Variants in COL6A5 observed in about 807,000 individuals in gnomAD.
COL6A5 encodes collagen type VI alpha 5 chain, also known as collagen alpha-5(VI) chain.
COL6A5 carries 48 observed loss-of-function variants against 65.6 expected under a neutral mutation model. The ratio of observed to expected loss-of-function variants is 0.73; its 90% CI spans 0.58 to 0.93. COL6A5 has a LOEUF of 0.93. Ranked by LOEUF, COL6A5 falls within the 40% of genes least tolerant of loss-of-function variation. The probability of loss-of-function intolerance (pLI) is 0.00; values close to 1 mark genes in which losing one functional copy is unlikely to be tolerated. For synonymous variants in COL6A5, 291 were observed against 322.8 expected (o/e 0.90, Z 1.05); for missense variants, 914 against 928.3 (o/e 0.98, Z 0.20).
chr3:130,474,840 T>TCAA (rs1476663037), intron 7 of COL6A5, among the ~76,000 whole-genome samples: 2 of 150,474 alleles, frequency 1.3e-5, no homozygotes, highest in Non-Finnish European at 3.0e-5. Context: ...AGACCCCATC[T>TCAA]CAACAACAAC....
At chr3:130,391,087 C>A in intron 6 of COL6A5, 92 bp from the exon 7 acceptor site, 1 of 849,010 alleles carries the variant, frequency 1.2e-6, no homozygotes, top group Non-Finnish European at 1.9e-6. Context: ...ACATAGTAGG[C>A]TCATGGCAAA....
exon 3 of COL6A5, chr3:130,376,332 A>C (rs763741752): frequency 1.2e-6 from 2 of 1,613,668 alleles, no homozygotes; most frequent in South Asian, 2.2e-5. Context: ...GTTCATCAAC[A>C]AAATGATCAA....
chr3:130,376,750 ACCT>A (rs779039342), exon 3 of COL6A5: 1 of 1,613,662 alleles, frequency 6.2e-7, no homozygotes, highest in Non-Finnish European at 8.5e-7. Flanking sequence ...ACAATCAGAG[ACCT>A]CAGCACATTT....
chr3:130,393,582 A>T (rs146529509), intron 7 of COL6A5, among the ~76,000 whole-genome samples: 1 of 152,144 alleles, frequency 6.6e-6, no homozygotes, highest in African/African-American at 2.4e-5. Context: ...CTCATTTCCT[A>T]TGCCTACATT....
upstream of COL6A5, chr3:130,429,581 A>C: frequency 6.5e-7 from 1 of 1,547,048 alleles, no homozygotes; most frequent in South Asian, 1.2e-5. Context: ...AGCTTGCTGG[A>C]AAGGTGAGTA....
Position 130,391,809 on chromosome 3 carries a change from A to C in COL6A5, c.2992+55A>C. The C allele has an allele frequency of 2.2e-6, 3 of 1,334,544 alleles. No homozygotes were observed. The South Asian group carries it at 4.5e-5, about 20-fold the overall frequency. The allele number at this position is 1,334,544 out of a possible 1,614,324, so 82.7% of individuals were successfully genotyped here. A position where few individuals can be genotyped will look rare whatever the true frequency, so the allele number is the denominator to read the frequency against. On this transcript the variant is annotated intron_variant and NMD_transcript_variant, in intron 7 of 41. Transcript: ENST00000312481. ...GGGTAGCAATAAAAGTTTAAACAAA[A>C]AGTAAATCATAAGTCTCAGGTCTCC...
chr3:130,384,534 G>A (rs1348677332), intron 4 of COL6A5, among the ~76,000 whole-genome samples: 1 of 152,006 alleles, frequency 6.6e-6, no homozygotes, highest in Non-Finnish European at 1.5e-5. Context: ...GGAGCCTGGA[G>A]TCTCTGGAAT....
At chr3:130,404,164 A>G (rs1474333135) in intron 13 of COL6A5, among the ~76,000 whole-genome samples, 4 of 152,218 alleles carry the variant, frequency 2.6e-5, no homozygotes, top group African/African-American at 4.8e-5. Flanking sequence ...GATGAGAGGC[A>G]TGGCTTCACG....
chr3:130,357,493 T>C (rs1183498900), intron 1 of COL6A5, among the ~76,000 whole-genome samples: 1 of 152,196 alleles, frequency 6.6e-6, no homozygotes, highest in Non-Finnish European at 1.5e-5. Flanking sequence ...CTGGCAAAGA[T>C]AGCTCACACA....
chr3:130,422,881 G>A (rs1937541129), intron 28 of COL6A5, 99 bp downstream of exon 28: 6 of 719,536 alleles, frequency 8.3e-6, no homozygotes, highest in Non-Finnish European at 1.1e-5. Flanking sequence ...CAACCCAAGG[G>A]CATCTGAAAT....
At chr3:130,409,357 A>G (rs1041544405) in exon 18 of COL6A5, 2 of 1,548,166 alleles carry the variant, frequency 1.3e-6, no homozygotes, top group South Asian at 1.2e-5. Flanking sequence ...GCCCCTGGGC[A>G]GTATGGAGAG....
chr3:130,405,630 G>A lies in COL6A5; in HGVS notation c.4324G>A (p.Ala1442Thr), dbSNP rs778733346. ...AGGACCCCAAGGAGACAAAGGGATT[G>A]CAGGATGTCCAGGGGCGTGGGGTCA... Residue 1442 changes from alanine to threonine, a missense_variant and NMD_transcript_variant, in exon 14 of 42, where the codon GCA becomes ACA. Physicochemically the swap from Ala to Thr is moderately conservative, Grantham distance 58. Coordinates refer to the COL6A5 transcript ENST00000312481. The A allele has an allele frequency of 7.7e-5, 119 of 1,550,690 alleles. No individual in the cohort carries two copies. Among genetic ancestry groups the A allele is most frequent in the Non-Finnish European group, 9.9e-5 (114 of 1,146,284 alleles).
chr3:130,346,045 G>C, intron 1 of COL6A5, 64 bp downstream of exon 1: 2 of 398,542 alleles, frequency 5.0e-6, no homozygotes, highest in Non-Finnish European at 8.8e-6. Context: ...CGAGTAGACA[G>C]GTGGATGTGA....
chr3:130,406,536 A>T (rs971387681), intron 17 of COL6A5, among the ~76,000 whole-genome samples: 1 of 152,140 alleles, frequency 6.6e-6, no homozygotes, highest in African/African-American at 2.4e-5. Flanking sequence ...AATTTAGCAC[A>T]CACAAGCTTG....
chr3:130,401,413 G>T (rs1005564553), intron 11 of COL6A5, among the ~76,000 whole-genome samples: 2 of 152,126 alleles, frequency 1.3e-5, no homozygotes, highest in African/African-American at 4.8e-5. Flanking sequence ...ACTCATAATT[G>T]AATTAAAAAG....
At chr3:130,434,350 G>A (rs1190893473) in intron 1 of COL6A5, among the ~76,000 whole-genome samples, 1 of 152,092 alleles carries the variant, frequency 6.6e-6, no homozygotes, top group Non-Finnish European at 1.5e-5. Flanking sequence ...TGGGCATTTG[G>A]GTTGGTTCCA....
chr3:130,470,838 A>C (rs374307141), intron 6 of COL6A5, 33 bp from the exon 39 acceptor site: 1 of 1,521,408 alleles, frequency 6.6e-7, no homozygotes, highest in African/African-American at 1.4e-5. Flanking sequence ...TAGGTGGGTA[A>C]AATTTAGACT....
intron 5 of COL6A5, among the ~76,000 whole-genome samples, chr3:130,463,797 A>G (rs1709752848): frequency 6.6e-6 from 1 of 152,040 alleles, no homozygotes; most frequent in Non-Finnish European, 1.5e-5. Flanking sequence ...TTGTCTCCCT[A>G]AGTAAGATGA....
intron 7 of COL6A5, among the ~76,000 whole-genome samples, chr3:130,475,307 A>G (rs1048398244): frequency 3.3e-5 from 5 of 152,018 alleles, no homozygotes; most frequent in African/African-American, 9.7e-5. Flanking sequence ...AAAAATTCAG[A>G]CACATCATAA....
Sources: allele counts gnomAD v4.1 joint callset (sites outside exome capture counted in the v4.1 genomes callset), GRCh38; gene constraint gnomAD v4.1.1; transcripts MANE v1.5; gene names NCBI Gene and HGNC (gene_info 2026-07-23, HGNC 2026-07-21).